NCAM1: variants seen among roughly 807,000 people sequenced by gnomAD.
NCAM1 encodes the protein neural cell adhesion molecule 1.
In NCAM1, 14 loss-of-function variants were observed where a neutral mutation model predicts 109.8. The observed-to-expected ratio is 0.13, with a 90% CI of 0.08 to 0.20. NCAM1 has a LOEUF of 0.20. NCAM1 is among the 10% of genes least tolerant of loss of function. NCAM1 has a pLI of 1.00. For synonymous variants in NCAM1, 418 were observed against 442.9 expected (o/e 0.94, Z 0.70); for missense variants, 774 against 1,109.9 (o/e 0.70, Z 4.30).
intron 1 of NCAM1, among the ~76,000 whole-genome samples, chr11:113,053,681 G>A (rs1484250010): frequency 4.6e-5 from 7 of 152,246 alleles, no homozygotes; most frequent in East Asian, 3.9e-4. Flanking sequence ...TTCCCAGTAC[G>A]AATAATAATG....
At chr11:113,105,406 T>C (rs1555092338) in intron 1 of NCAM1, among the ~76,000 whole-genome samples, 1 of 152,190 alleles carries the variant, frequency 6.6e-6, no homozygotes, top group Non-Finnish European at 1.5e-5. Context: ...AAAGAAAGAT[T>C]GTGATTTTCA....
In NCAM1 at chr11:113,202,401, T is replaced by C. The variant is rs1555112017; in HGVS notation, c.75T>C (p.Val25=). 3 of 1,613,178 alleles carry C rather than the reference T, an allele frequency of 1.9e-6. No individual in the cohort carries two copies. The highest frequency in any genetic ancestry group is 2.5e-6 in the Non-Finnish European group (3 of 1,179,564). The part of the protein sequence containing the change: ...GTAVSLQVDI[V]PSQGEISVGE... Reference sequence around the variant, plus strand: ...CAGTTTCTCTGCAGGTGGATATTGTTCCCAGCCAGGGGGAGATCAGCGTTG... The same window carrying C: ...CAGTTTCTCTGCAGGTGGATATTGTCCCCAGCCAGGGGGAGATCAGCGTTG... Residue 25 remains valine (V), a synonymous_variant, in exon 2 of 20, where the codon GTT becomes GTC. Coordinates refer to ENST00000316851, the MANE Select transcript of NCAM1 (RefSeq NM_181351.5).
chr11:113,075,816 C>A (rs891994304), intron 1 of NCAM1, among the ~76,000 whole-genome samples: 1 of 152,190 alleles, frequency 6.6e-6, no homozygotes, highest in Non-Finnish European at 1.5e-5. Flanking sequence ...GTTCTGCCTA[C>A]GTGTGTGGTT....
At chr11:113,210,623 G>A (rs140133823) in intron 7 of NCAM1, among the ~76,000 whole-genome samples, 11 of 152,178 alleles carry the variant, frequency 7.2e-5, no homozygotes, top group Non-Finnish European at 1.2e-4. Flanking sequence ...GGTGATGGCT[G>A]CCCCGGAGTA....
In NCAM1 at chr11:113,205,551, C is replaced by T. The variant is rs781810668; in HGVS notation, c.375C>T (p.Thr125=). 3 of 1,613,214 alleles carry T rather than the reference C, an allele frequency of 1.9e-6. No individual in the cohort carries two copies. Among genetic ancestry groups the T allele is most frequent in the Non-Finnish European group, 2.5e-6 (3 of 1,179,626 alleles). Residue 125 remains threonine, a synonymous_variant, in exon 4 of 20, where the codon ACC becomes ACT. Transcript: ENST00000316851. Reference sequence around the variant, plus strand: ...AGCTCATGTTCAAGAATGCGCCAACCCCACAGGAGTTCCGGGAGGGGGAAG... The same window carrying T: ...AGCTCATGTTCAAGAATGCGCCAACTCCACAGGAGTTCCGGGAGGGGGAAG... The part of the protein sequence containing the change: ...FQKLMFKNAP[T]PQEFREGEDA...
At chr11:113,167,614 C>T (rs1328332662) in intron 1 of NCAM1, among the ~76,000 whole-genome samples, 1 of 150,550 alleles carries the variant, frequency 6.6e-6, no homozygotes, top group African/African-American at 2.4e-5. Context: ...CCAAATTTTG[C>T]ATGTGGGCCT....
chr11:113,169,562 A>G (rs1942922966), intron 1 of NCAM1, among the ~76,000 whole-genome samples: 1 of 151,072 alleles, frequency 6.6e-6, no homozygotes, highest in Non-Finnish European at 1.5e-5. Flanking sequence ...CTATGAACAC[A>G]TGGGTCCTGG....
rs182034679 is a variant in NCAM1 at position 113,112,960 on chromosome 11, C to A, written c.53-89419C>A. Among the ~76,000 whole-genome samples the A allele has an allele frequency of 1.9e-3, 282 of 152,022 alleles. 3 individuals carry two copies. The highest frequency in any genetic ancestry group is 0.016 in the Admixed American group (239 of 15,266). On this transcript the variant is annotated intron_variant, in intron 1 of 19. Transcript: ENST00000316851. Reference sequence around the variant, plus strand: ...CAGCCTGGCCAACATGGTGAAACCCCGTCTCTACTAAAAATACAAAAATTA... The same window carrying A: ...CAGCCTGGCCAACATGGTGAAACCCAGTCTCTACTAAAAATACAAAAATTA...
intron 1 of NCAM1, among the ~76,000 whole-genome samples, chr11:113,122,779 C>T (rs868983896): frequency 4.6e-5 from 7 of 152,012 alleles, no homozygotes; most frequent in South Asian, 2.1e-4. Context: ...AGCGAAACTC[C>T]GTCTCAAAAA....
intron 1 of NCAM1, among the ~76,000 whole-genome samples, chr11:113,023,132 A>C (rs782225967): frequency 6.6e-6 from 1 of 152,342 alleles, no homozygotes; most frequent in Non-Finnish European, 1.5e-5. Context: ...GCTAGATACT[A>C]TACTGTTTAT....
intron 1 of NCAM1, among the ~76,000 whole-genome samples, chr11:113,191,561 T>G (rs1943673917): frequency 6.6e-6 from 1 of 152,208 alleles, no homozygotes; most frequent in African/African-American, 2.4e-5. Context: ...TTACCAGCCT[T>G]GTGGCCTTGG....
At chr11:113,173,405 G>A (rs371522714) in intron 1 of NCAM1, among the ~76,000 whole-genome samples, 11 of 151,596 alleles carry the variant, frequency 7.3e-5, no homozygotes, top group African/African-American at 1.9e-4. Flanking sequence ...AGAAAGTGGC[G>A]GGGGAGCTGT....
At chr11:113,103,610 G>A (rs906339091) in intron 1 of NCAM1, among the ~76,000 whole-genome samples, 7 of 152,134 alleles carry the variant, frequency 4.6e-5, no homozygotes, top group African/African-American at 1.7e-4. Flanking sequence ...TAATGGGTGG[G>A]TTATCACTGG....
chr11:113,087,136 C>T (rs932838851), intron 1 of NCAM1, among the ~76,000 whole-genome samples: 5 of 152,150 alleles, frequency 3.3e-5, no homozygotes, highest in Admixed American at 6.5e-5. Flanking sequence ...GTTATTCTTT[C>T]GTGAGGTGGT....
intron 1 of NCAM1, among the ~76,000 whole-genome samples, chr11:113,051,134 T>G (rs1953470831): frequency 6.6e-6 from 1 of 152,320 alleles, no homozygotes; most frequent in African/African-American, 2.4e-5. Context: ...AGGAAGAGCA[T>G]TTGTGGTACT....
intron 1 of NCAM1, among the ~76,000 whole-genome samples, chr11:113,095,146 A>G (rs1301450204): frequency 6.6e-6 from 1 of 152,184 alleles, no homozygotes; most frequent in East Asian, 1.9e-4. Context: ...AATTTTGTAA[A>G]GAGAATATGA....
intron 15 of NCAM1, among the ~76,000 whole-genome samples, chr11:113,250,588 A>G (rs1945648065): frequency 6.6e-6 from 1 of 152,232 alleles, no homozygotes; most frequent in African/African-American, 2.4e-5. Context: ...GCTTGGAAGA[A>G]ATAATCAACC....
intron 1 of NCAM1, among the ~76,000 whole-genome samples, chr11:113,109,689 G>C (rs17114861): frequency 0.05 from 7,572 of 152,220 alleles, 601 homozygotes; most frequent in Admixed American, 0.16. Flanking sequence ...GTAGAAAAGA[G>C]AAAATTACTG....
chr11:113,157,136 G>GACAGACACACACACACACAC (rs1555103558), intron 1 of NCAM1, among the ~76,000 whole-genome samples: 1 of 146,878 alleles, frequency 6.8e-6, no homozygotes, highest in Admixed American at 6.8e-5. Flanking sequence ...GTTTCCCTGA[G>GACAGACACACACACACACAC]ACACACACAC....
Sources: gnomAD v4.1 joint callset for allele counts (sites outside exome capture counted in the v4.1 genomes callset) on GRCh38, gnomAD v4.1.1 for gene constraint, MANE v1.5 for transcripts, NCBI Gene and HGNC (gene_info 2026-07-23, HGNC 2026-07-21) for gene names.